NGLY1: variants seen among roughly 807,000 people sequenced by gnomAD.
NGLY1 encodes the protein N-glycanase 1.
Under a neutral mutation model 84.6 loss-of-function variants are expected in NGLY1, and 68 were observed. The ratio of observed to expected loss-of-function variants is 0.80; its 90% confidence interval spans 0.66 to 0.98. The LOEUF (loss-of-function observed/expected upper bound fraction) is 0.98. Among genes scored for constraint, NGLY1 ranks in the 50% least tolerant of loss-of-function variants. The pLI is 0.00. For missense variants in NGLY1, 779 were observed against 770.2 expected (o/e 1.01, Z -0.14); for synonymous variants, 280 against 275.2 (o/e 1.02, Z -0.17).
At chr3:25,789,947 A>T in exon 1 of NGLY1, 1 of 1,519,866 alleles carries the variant, frequency 6.6e-7, no homozygotes, top group African/African-American at 1.4e-5. Context: ...ACAGCTACCC[A>T]GCCGCCTCCC....
intron 10 of NGLY1, among the ~76,000 whole-genome samples, chr3:25,727,656 A>T (rs992308096): frequency 1.7e-4 from 26 of 152,302 alleles, no homozygotes; most frequent in African/African-American, 6.3e-4. Context: ...GAGGTCAGGA[A>T]TCATCTTTTT....
intron 1 of NGLY1, among the ~76,000 whole-genome samples, chr3:25,779,228 G>A (rs915490781): frequency 1.8e-4 from 27 of 152,020 alleles, no homozygotes; most frequent in African/African-American, 5.3e-4. Context: ...GTGAGCCACC[G>A]CACCTGGCCC....
intron 2 of NGLY1, among the ~76,000 whole-genome samples, chr3:25,766,702 CATA>C (rs910516112): frequency 3.9e-5 from 6 of 152,214 alleles, no homozygotes; most frequent in South Asian, 2.1e-4. Flanking sequence ...CATCTGATCT[CATA>C]ATGTTACTGG....
intron 10 of NGLY1, among the ~76,000 whole-genome samples, chr3:25,721,909 A>C (rs1705014403): frequency 1.3e-5 from 2 of 151,718 alleles, no homozygotes; most frequent in African/African-American, 2.4e-5. Flanking sequence ...CTGGGGGCAC[A>C]GTTTCTGGAT....
chr3:25,724,577 A>G (rs1705158286), intron 10 of NGLY1, among the ~76,000 whole-genome samples: 1 of 152,150 alleles, frequency 6.6e-6, no homozygotes, highest in Non-Finnish European at 1.5e-5. Flanking sequence ...ATGGTTGCCT[A>G]TTACATAATT....
chr3:25,779,157 G>A (rs1333230880), intron 1 of NGLY1, among the ~76,000 whole-genome samples: 1 of 151,798 alleles, frequency 6.6e-6, no homozygotes, highest in East Asian at 1.9e-4. Context: ...GGCTGGTCTC[G>A]AACTCTCGAC....
At chr3:25,769,829 AG>A (rs1394223376) in intron 2 of NGLY1, among the ~76,000 whole-genome samples, 1 of 151,988 alleles carries the variant, frequency 6.6e-6, no homozygotes, top group Non-Finnish European at 1.5e-5. Context: ...TTTTTGGGGA[AG>A]GGGTTGATGT....
At chr3:25,776,246 C>T (rs1703787904) in intron 2 of NGLY1, among the ~76,000 whole-genome samples, 1 of 152,204 alleles carries the variant, frequency 6.6e-6, no homozygotes, top group South Asian at 2.1e-4. Context: ...ACTTTCATTG[C>T]TAAAACCAGG....
chr3:25,749,866 T>A, intron 4 of NGLY1: 2 of 905,352 alleles, frequency 2.2e-6, no homozygotes, highest in South Asian at 2.6e-5. Context: ...CCAACCCCAA[T>A]GCCAGGCTGC....
chr3:25,781,512 A>C (rs151255032), intron 1 of NGLY1, among the ~76,000 whole-genome samples: 1 of 152,298 alleles, frequency 6.6e-6, no homozygotes, highest in Non-Finnish European at 1.5e-5. Flanking sequence ...TCCTTGGAAA[A>C]GCAACGCACA....
At chr3:25,776,166 G>T (rs1487676701) in intron 2 of NGLY1, among the ~76,000 whole-genome samples, 1 of 152,150 alleles carries the variant, frequency 6.6e-6, no homozygotes, top group African/African-American at 2.4e-5. Flanking sequence ...GTCTCAGTGT[G>T]GCCTGTTATT....
chr3:25,729,319 C>A lies in NGLY1; in HGVS notation c.1426-1G>T. Reference sequence around the variant, plus strand: ...AGGGAATAAACAAGGTTTCTTTTCTCTTAAAAAGAAAGCAGAATTAGTTTT... The same window carrying A: ...AGGGAATAAACAAGGTTTCTTTTCTATTAAAAAGAAAGCAGAATTAGTTTT... On this transcript the variant is annotated splice_acceptor_variant, in intron 9 of 11. Transcript: ENST00000280700. LOFTEE classifies it high-confidence loss of function. The A allele has an allele frequency of 7.3e-7, 1 of 1,364,624 alleles. No individual in the cohort carries two copies. Among genetic ancestry groups the A allele is most frequent in the South Asian group, 2.1e-5 (1 of 48,252 alleles). 84.5% of individuals were successfully genotyped at this position (1,364,624 alleles called of 1,614,324 possible). A position where few individuals can be genotyped will look rare whatever the true frequency, so the allele number is the denominator to read the frequency against.
Position 25,737,475 on chromosome 3 carries a change from AACCTT to A in NGLY1, c.882-25_882-21del. On this transcript the variant is annotated intron_variant, in intron 5 of 11. Coordinates refer to ENST00000280700, the MANE Select transcript of NGLY1 (RefSeq NM_018297.4). ...TTATATCTGGTTTAAAAAGAAAAAA[AACCTT>A]AATTATCAAAATCAAGATTTTTAAG... 1 of 1,545,450 alleles carries A rather than the reference AACCTT, an allele frequency of 6.5e-7. No homozygotes were observed. Among genetic ancestry groups the A allele is most frequent in the East Asian group, 2.2e-5 (1 of 44,446 alleles).
At chr3:25,766,209 G>T (rs570799693) in intron 2 of NGLY1, among the ~76,000 whole-genome samples, 1 of 151,992 alleles carries the variant, frequency 6.6e-6, no homozygotes, top group African/African-American at 2.4e-5. Flanking sequence ...GGGATTACAG[G>T]CATGCGCCAC....
Position 25,783,151 on chromosome 3 carries a change from G to C in NGLY1, c.131+109C>G. On this transcript the variant is annotated intron_variant, in intron 1 of 11. Transcript: ENST00000280700. This position sits in a 1 kb window ranked among gnomAD's most constrained non-coding sequence, Gnocchi z 4.5. ...ACCAGCTCCAGGTCCCGGTCTGTCC[G>C]GGCGTCGCTGCCCTCTGAAGCTCAG... 1 of 1,031,274 alleles carries C rather than the reference G, an allele frequency of 9.7e-7. No homozygotes were observed. The highest frequency in any genetic ancestry group is 1.4e-6 in the Non-Finnish European group (1 of 698,762). The allele number at this position is 1,031,274 out of a possible 1,614,324, so 63.9% of individuals were successfully genotyped here.
intron 4 of NGLY1, among the ~76,000 whole-genome samples, chr3:25,741,832 A>C (rs1706163384): frequency 6.6e-6 from 1 of 152,034 alleles, no homozygotes; most frequent in South Asian, 2.1e-4. Flanking sequence ...CTCTACTAAA[A>C]ATACAAAAGA....
intron 1 of NGLY1, chr3:25,789,645 A>G: frequency 1.7e-6 from 1 of 602,368 alleles, no homozygotes; most frequent in East Asian, 2.8e-5. Context: ...TACACAACAA[A>G]TTTCCTGATG....
chr3:25,755,384 C>T, intron 3 of NGLY1: 15 of 1,358,726 alleles, frequency 1.1e-5, no homozygotes, highest in Non-Finnish European at 1.5e-5. Context: ...TAGTAGCAAA[C>T]CTACCACTCC....
intron 4 of NGLY1, among the ~76,000 whole-genome samples, chr3:25,744,190 G>A (rs550906164): frequency 4.6e-5 from 7 of 152,238 alleles, no homozygotes; most frequent in South Asian, 2.1e-4. Flanking sequence ...CATCAGTAGA[G>A]GTAGCCTCAT....
Sources: gnomAD v4.1 joint callset for allele counts (sites outside exome capture counted in the v4.1 genomes callset) on GRCh38, gnomAD v4.1.1 for gene constraint, Gnocchi (gnomAD v3.1) non-coding constraint, MANE v1.5 for transcripts, NCBI Gene and HGNC (gene_info 2026-07-23, HGNC 2026-07-21) for gene names.